The following MPHOSPH9 variants were observed in gnomAD, a reference collection of about 807,000 sequenced individuals.
MPHOSPH9 encodes the protein M-phase phosphoprotein 9.
MPHOSPH9 carries 88 observed loss-of-function variants against 145.5 expected under a neutral mutation model. The ratio of observed to expected loss-of-function variants is 0.60; its 90% confidence interval spans 0.51 to 0.72. The LOEUF is 0.72. Ranked by LOEUF, MPHOSPH9 falls within the 30% of genes least tolerant of loss-of-function variation. The pLI is 0.00. For missense variants in MPHOSPH9, 1,238 were observed against 1,386.6 expected (o/e 0.89, Z 1.70); for synonymous variants, 435 against 486.2 (o/e 0.89, Z 1.39).
At chr12:123,176,656 T>C in intron 16 of MPHOSPH9, 32 bp downstream of exon 16, 1 of 1,507,984 alleles carries the variant, frequency 6.6e-7, no homozygotes. Flanking sequence ...CACCTATTTC[T>C]AGCTTTATAG....
At chr12:123,212,363 T>C (rs2046765815) in intron 7 of MPHOSPH9, among the ~76,000 whole-genome samples, 1 of 152,000 alleles carries the variant, frequency 6.6e-6, no homozygotes, top group Non-Finnish European at 1.5e-5. Flanking sequence ...TCTGGGACAT[T>C]TGAGCAGACA....
In MPHOSPH9 at chr12:123,227,590, C is replaced by T; in HGVS notation, c.131G>A (p.Gly44Glu). ...DRSSPHLSTN[G>E]VSSFSGKTRP... ...GGTCTTCCCTGAGAAAGAGGATACC[C>T]CATTTGTACTAAGGTGGGGACTACT... Residue 44 changes from glycine (G) to glutamate (E), a missense_variant, in exon 3 of 24, where the codon GGG becomes GAG. Gly to Glu is a moderately conservative substitution (Grantham distance 98, BLOSUM62 -2). Coordinates refer to ENST00000606320, the MANE Select transcript of MPHOSPH9 (RefSeq NM_022782.4). 1 of 1,529,494 alleles carries T rather than the reference C, an allele frequency of 6.5e-7. No individual in the cohort carries two copies. The highest frequency in any genetic ancestry group is 2.5e-5 in the East Asian group (1 of 40,816). 94.7% of individuals were successfully genotyped at this position (1,529,494 alleles called of 1,614,324 possible). A position where few individuals can be genotyped will look rare whatever the true frequency, so the allele number is the denominator to read the frequency against.
At chr12:123,182,033 C>T (rs1278446303) in intron 13 of MPHOSPH9, among the ~76,000 whole-genome samples, 12 of 151,934 alleles carry the variant, frequency 7.9e-5, no homozygotes, top group African/African-American at 2.2e-4. Context: ...CTCTGCCTCC[C>T]GGGTTCAAGC....
intron 16 of MPHOSPH9, 64 bp from the exon 17 acceptor site, chr12:123,166,853 T>C: frequency 1.3e-6 from 2 of 1,516,746 alleles, no homozygotes; most frequent in Non-Finnish European, 1.8e-6. Context: ...TGCATGTGCA[T>C]ATAAAACAAT....
At chr12:123,193,090 A>ATAT (rs1157506067) in intron 13 of MPHOSPH9, among the ~76,000 whole-genome samples, 69 of 60,736 alleles carry the variant, frequency 1.1e-3, no homozygotes, top group African/African-American at 2.6e-3. Context: ...AAAAAAAAAA[A>ATAT]AAAAAAATAT....
chr12:123,205,476 G>A (rs1346372835), intron 8 of MPHOSPH9, among the ~76,000 whole-genome samples: 1 of 152,096 alleles, frequency 6.6e-6, no homozygotes, highest in African/African-American at 2.4e-5. Flanking sequence ...AACCCAGGAG[G>A]CGGAGGATGC....
intron 7 of MPHOSPH9, 111 bp downstream of exon 7, chr12:123,214,633 T>C (rs2046882047): frequency 1.3e-6 from 1 of 786,462 alleles, no homozygotes; most frequent in African/African-American, 1.8e-5. Context: ...TCATCCCATA[T>C]GGAGAAATGT....
chr12:123,243,031 G>C (rs548762346), intron 1 of MPHOSPH9, among the ~76,000 whole-genome samples: 1 of 152,180 alleles, frequency 6.6e-6, no homozygotes, highest in Non-Finnish European at 1.5e-5. Context: ...TCAATCTTTC[G>C]TAGGTAAGGT....
intron 2 of MPHOSPH9, among the ~76,000 whole-genome samples, chr12:123,229,664 A>C (rs1269912742): frequency 6.6e-6 from 1 of 152,200 alleles, no homozygotes; most frequent in Non-Finnish European, 1.5e-5. Flanking sequence ...TATGCTTGTA[A>C]TTTACCAAAA....
chr12:123,190,719 T>C (rs1404095239), intron 13 of MPHOSPH9, among the ~76,000 whole-genome samples: 20 of 152,232 alleles, frequency 1.3e-4, no homozygotes, highest in Non-Finnish European at 2.6e-4. Context: ...CACAGGCATA[T>C]GTAGTAAAAG....
chr12:123,196,030 G>A (rs1159513383), intron 12 of MPHOSPH9, among the ~76,000 whole-genome samples: 1 of 149,358 alleles, frequency 6.7e-6, no homozygotes, highest in African/African-American at 2.5e-5. Context: ...GTGAGACCCT[G>A]TCTCAAAAAA....
Position 123,165,354 on chromosome 12 carries a change from T to A in MPHOSPH9, c.2715A>T (p.Gly905=). 6.2e-7 allele frequency: 1 copy of A among 1,614,150 alleles called. No homozygotes were observed. Residue 905 remains glycine (G), a synonymous_variant, in exon 18 of 24, where the codon GGA becomes GGT. Coordinates refer to ENST00000606320, the MANE Select transcript of MPHOSPH9 (RefSeq NM_022782.4). The part of the protein sequence containing the change: ...IMRALKELDE[G]KIFKNWGTQT... ...GTGTCCCCCAATTTTTAAATATTTT[T>A]CCCTCATCAAGTTCTTTTAAAGCTC...
intron 3 of MPHOSPH9, among the ~76,000 whole-genome samples, chr12:123,224,712 G>T (rs1014911080): frequency 6.6e-6 from 1 of 152,194 alleles, no homozygotes; most frequent in African/African-American, 2.4e-5. Context: ...CCATGATGAA[G>T]AATTGTCCTG....
chr12:123,193,071 CAAAAAAAAAAA>C lies in MPHOSPH9; in HGVS notation c.2241+1304_2241+1314del, dbSNP rs768866302. 7.3e-3 allele frequency among the ~76,000 whole-genome samples: 216 copies of C among 29,528 alleles called. 3 individuals are homozygous for C. The highest frequency in any genetic ancestry group is 0.053 in the Middle Eastern group (2 of 38). The allele number at this position is 29,528 out of a possible 152,430, so 19.4% of individuals were successfully genotyped here. The stretch of plus-strand genomic sequence containing the variant: ...TGGGCGACAGAGAGGGATTGTCTTT[CAAAAAAAAAAA>C]AAAAAAAAAAAAAAATATATATATA... On this transcript the variant is annotated intron_variant, in intron 13 of 23. Transcript: ENST00000606320.
chr12:123,195,612 T>G (rs1221711776), intron 12 of MPHOSPH9, among the ~76,000 whole-genome samples: 1 of 150,542 alleles, frequency 6.6e-6, no homozygotes, highest in African/African-American at 2.4e-5. Flanking sequence ...ATACAGGAAA[T>G]TAAAAACCCA....
At chr12:123,220,714 C>A (rs73417342) in intron 5 of MPHOSPH9, among the ~76,000 whole-genome samples, 32 of 152,116 alleles carry the variant, frequency 2.1e-4, no homozygotes, top group African/African-American at 7.5e-4. Context: ...TATGATTGCA[C>A]CACGGCACAC....
At chr12:123,176,373 C>G (rs974291424) in intron 16 of MPHOSPH9, among the ~76,000 whole-genome samples, 1 of 152,152 alleles carries the variant, frequency 6.6e-6, no homozygotes, top group Non-Finnish European at 1.5e-5. Flanking sequence ...TTGAGATGTT[C>G]TAGCCCCTTG....
In MPHOSPH9 at chr12:123,198,302, G is replaced by T; in HGVS notation, c.1970C>A (p.Ala657Asp). The T allele has an allele frequency of 1.2e-6, 2 of 1,612,378 alleles. No homozygotes were observed. The highest frequency in any genetic ancestry group is 1.7e-6 in the Non-Finnish European group (2 of 1,179,124). ...CGQLDSALHE[A>D]TSRVRTLENK... ...TTCAAGTGTTCTCACGCGACTAGTA[G>T]CTTCATGCAAAGCACTATCTAATTG... The change falls in exon 12 of 24, where the codon GCT (alanine) becomes GAT (aspartate). Residue 657 changes from alanine (A) to aspartate (D), a missense_variant. Physicochemically the swap from Ala to Asp is moderately radical, Grantham distance 126 (BLOSUM62 -2). Around this residue, in one of 3 missense-constraint regions of MPHOSPH9, gnomAD observed 837 missense variants for 897.5 expected, o/e 0.93. Transcript: ENST00000606320.
In MPHOSPH9 at chr12:123,163,006, G is replaced by T; in HGVS notation, c.3029+8C>A. 1 of 1,538,328 alleles carries T rather than the reference G, an allele frequency of 6.5e-7. No individual in the cohort carries two copies. Among genetic ancestry groups the T allele is most frequent in the Non-Finnish European group, 8.7e-7 (1 of 1,153,116 alleles). ...GTAAACTTTATTCTACAATTTTAGA[G>T]AACTTACCGAATTGGACTGCTCTCA... is the stretch of plus-strand genomic sequence containing the variant. On this transcript the variant is annotated splice_region_variant and intron_variant, in intron 20 of 23. Coordinates refer to ENST00000606320, the MANE Select transcript of MPHOSPH9 (RefSeq NM_022782.4).
Sources: allele counts gnomAD v4.1 joint callset (sites outside exome capture counted in the v4.1 genomes callset), GRCh38; gene constraint gnomAD v4.1.1; regional missense constraint gnomAD v4.1.1; transcripts MANE v1.5; gene names NCBI Gene and HGNC (gene_info 2026-07-23, HGNC 2026-07-21).